Variants in UBAP1 observed in about 807,000 individuals in gnomAD.
UBAP1 encodes the protein ubiquitin associated protein 1.
Under a neutral mutation model 39.0 loss-of-function variants are expected in UBAP1, and 5 were observed. The ratio of observed to expected loss-of-function variants is 0.13; its 90% CI spans 0.07 to 0.27. UBAP1 has a LOEUF of 0.27. Among genes scored for constraint, UBAP1 ranks in the 10% least tolerant of loss-of-function variants. The pLI, the probability that UBAP1 is intolerant of heterozygous loss-of-function variation, is 1.00. For missense variants in UBAP1, 490 were observed against 608.1 expected, an observed-to-expected ratio of 0.81 and a Z score of 2.04; for synonymous variants, 211 against 225.1, an observed-to-expected ratio of 0.94 and a Z score of 0.56.
chr9:34,182,677 TTCTTTC>T (rs1369790309), intron 1 of UBAP1, among the ~76,000 whole-genome samples: 6 of 71,928 alleles, frequency 8.3e-5, no homozygotes, highest in Admixed American at 1.6e-4. Flanking sequence ...CTTTCTTTCT[TTCTTTC>T]TCTCTCTCTT....
At chr9:34,216,221 C>T (rs1832309320) in intron 1 of UBAP1, among the ~76,000 whole-genome samples, 1 of 151,192 alleles carries the variant, frequency 6.6e-6, no homozygotes. Flanking sequence ...AAAAAACTTA[C>T]TGAGGTGAAA....
intron 1 of UBAP1, among the ~76,000 whole-genome samples, chr9:34,200,291 T>G (rs545517078): frequency 6.6e-6 from 1 of 152,356 alleles, no homozygotes; most frequent in East Asian, 1.9e-4. Flanking sequence ...TTGTTTTATC[T>G]TTGGCCATTG....
chr9:34,229,922 G>T (rs908318227), intron 2 of UBAP1, among the ~76,000 whole-genome samples: 1 of 150,832 alleles, frequency 6.6e-6, no homozygotes, highest in Non-Finnish European at 1.5e-5. Context: ...TGATCCACCC[G>T]CCTCTGCCTC....
chr9:34,195,960 T>C (rs1216256111), intron 1 of UBAP1, among the ~76,000 whole-genome samples: 3 of 101,138 alleles, frequency 3.0e-5, no homozygotes, highest in African/African-American at 1.0e-4. Context: ...TTTTTTTTTT[T>C]TTTTGAGATA....
At chr9:34,228,286 C>A (rs545680532) in intron 2 of UBAP1, among the ~76,000 whole-genome samples, 5 of 149,654 alleles carry the variant, frequency 3.3e-5, no homozygotes, top group Admixed American at 6.7e-5. Flanking sequence ...GGCGTGGTGG[C>A]AGGCACCTGT....
At chr9:34,196,417 G>A (rs1182753836) in intron 1 of UBAP1, among the ~76,000 whole-genome samples, 8 of 151,528 alleles carry the variant, frequency 5.3e-5, no homozygotes, top group Non-Finnish European at 1.0e-4. Flanking sequence ...CTGGGTTCAA[G>A]CGATTCTCCT....
intron 1 of UBAP1, chr9:34,211,914 C>T: frequency 3.3e-6 from 1 of 299,734 alleles, no homozygotes; most frequent in South Asian, 2.9e-5. Context: ...AGCATTTGAA[C>T]TGAAGTGATA....
intron 1 of UBAP1, among the ~76,000 whole-genome samples, chr9:34,209,609 A>G (rs1293488201): frequency 1.3e-5 from 2 of 152,188 alleles, no homozygotes; most frequent in African/African-American, 4.8e-5. Flanking sequence ...TCTATAACCT[A>G]GAGTCATTTG....
In UBAP1 at chr9:34,250,751, GAAGAA is replaced by G. The variant is rs2131638399; in HGVS notation, c.1364_1368del (p.Glu455AspfsTer12). 1 of 1,613,124 alleles carries G rather than the reference GAAGAA, an allele frequency of 6.2e-7. No homozygotes were observed. Among genetic ancestry groups the G allele is most frequent in the Non-Finnish European group, 8.5e-7 (1 of 1,179,204 alleles). On this transcript the variant is annotated frameshift_variant, in exon 6 of 7. Transcript: ENST00000297661. LOFTEE classifies it high-confidence loss of function. ...GGCTCTGGAAATGCACCAGTGTTCA[GAAGAA>G]AAGGTGGGAATCTTCATGTTTCTTG...
chr9:34,184,433 C>T (rs903471344), intron 1 of UBAP1, among the ~76,000 whole-genome samples: 12 of 151,010 alleles, frequency 7.9e-5, no homozygotes, highest in Non-Finnish European at 1.6e-4. Flanking sequence ...AGATCGAGAC[C>T]ATCCTGGCTA....
At chr9:34,207,561 T>G (rs897186791) in intron 1 of UBAP1, among the ~76,000 whole-genome samples, 6 of 151,964 alleles carry the variant, frequency 3.9e-5, no homozygotes, top group African/African-American at 1.4e-4. Flanking sequence ...CAGTACAGGT[T>G]TAGTTTTCTC....
In UBAP1 at chr9:34,250,683, G is replaced by C. The variant is rs1189998494; in HGVS notation, c.1292G>C (p.Gly431Ala). 4 of 1,613,670 alleles carry C rather than the reference G, an allele frequency of 2.5e-6. No homozygotes were observed. The highest frequency in any genetic ancestry group is 3.4e-6 in the Non-Finnish European group (4 of 1,179,642). ...ATTCTCGACTATCTCTTTGCACATGGACAGCTTTGTGAGAAGGGCTTCGAC... is the reference window on the plus strand; with the variant it reads ...ATTCTCGACTATCTCTTTGCACATGCACAGCTTTGTGAGAAGGGCTTCGAC... ...EQILDYLFAH[G>A]QLCEKGFDPL... The change falls in exon 6 of 7, where the codon GGA becomes GCA. Residue 431 changes from glycine (G) to alanine (A), a missense_variant. This residue lies in a region of UBAP1 where 339 missense variants were observed against 390.0 expected (regional missense o/e 0.87). Transcript: ENST00000297661.
chr9:34,199,710 C>T (rs1831260789), intron 1 of UBAP1, among the ~76,000 whole-genome samples: 1 of 151,486 alleles, frequency 6.6e-6, no homozygotes, highest in African/African-American at 2.4e-5. Context: ...TCATGTCCTA[C>T]TGCAACCTTG....
intron 1 of UBAP1, among the ~76,000 whole-genome samples, chr9:34,192,228 A>C (rs534173635): frequency 2.0e-5 from 3 of 151,756 alleles, no homozygotes; most frequent in Admixed American, 2.0e-4. Context: ...GAAAGATCTA[A>C]AGTTCAGGCC....
At chr9:34,216,642 ATTTTTTTTTTTT>A (rs57204146) in intron 1 of UBAP1, among the ~76,000 whole-genome samples, 3 of 70,186 alleles carry the variant, frequency 4.3e-5, no homozygotes, top group South Asian at 7.0e-4. Flanking sequence ...CACCATGCTA[ATTTTTTTTTTTT>A]TTTTTTTTTT....
intron 1 of UBAP1, among the ~76,000 whole-genome samples, chr9:34,181,116 C>CTTTTTTTTTTTTTTTTTTTTTT (rs67856544): frequency 9.7e-5 from 7 of 72,274 alleles, no homozygotes; most frequent in East Asian, 5.1e-4. Context: ...GGCCTGTTTT[C>CTTTTTTTTTTTTTTTTTTTTTT]TTTTTTTTTT....
intron 1 of UBAP1, among the ~76,000 whole-genome samples, chr9:34,217,443 C>T (rs564278454): frequency 6.6e-6 from 1 of 152,250 alleles, no homozygotes; most frequent in Non-Finnish European, 1.5e-5. Context: ...ACCATGTTGG[C>T]CAGGCTGGTC....
Position 34,221,255 on chromosome 9 carries a change from C to T in UBAP1, c.34+307C>T, listed in dbSNP as rs1208434382. On this transcript the variant is annotated intron_variant, in intron 2 of 6. Coordinates refer to ENST00000297661, the MANE Select transcript of UBAP1 (RefSeq NM_016525.5). ...ATTGAAGGTATAGTTACTGGCTGGG[C>T]GCGGTGGTTCAAGCCTGTAATCCCA... is the stretch of plus-strand genomic sequence containing the variant. Among the ~76,000 whole-genome samples the T allele has an allele frequency of 2.0e-5, 3 of 152,034 alleles. 1 individual carries two copies. Among genetic ancestry groups the T allele is most frequent in the Admixed American group, 1.3e-4 (2 of 15,246 alleles).
intron 1 of UBAP1, among the ~76,000 whole-genome samples, chr9:34,186,483 A>C (rs1830412837): frequency 6.6e-6 from 1 of 152,178 alleles, no homozygotes; most frequent in African/African-American, 2.4e-5. Flanking sequence ...CTGAGTCAAG[A>C]GCCAGCAGTG....
Sources: allele counts gnomAD v4.1 joint callset (sites outside exome capture counted in the v4.1 genomes callset), GRCh38; gene constraint gnomAD v4.1.1; regional missense constraint gnomAD v4.1.1; transcripts MANE v1.5; gene names NCBI Gene and HGNC (gene_info 2026-07-23, HGNC 2026-07-21).